Variants in NR3C2 observed in about 807,000 individuals in gnomAD.
The protein encoded by NR3C2 is mineralocorticoid receptor.
Under a neutral mutation model 86.4 loss-of-function variants are expected in NR3C2, and 15 were observed. The ratio of observed to expected loss-of-function variants is 0.17; its 90% CI spans 0.12 to 0.27. NR3C2 has a LOEUF of 0.27. Among genes scored for constraint, NR3C2 ranks in the 10% least tolerant of loss-of-function variants. NR3C2 has a pLI of 1.00. For synonymous variants in NR3C2, 458 were observed against 450.5 expected (o/e 1.02, Z -0.21); for missense variants, 960 against 1,195.6 (o/e 0.80, Z 2.91).
At chr4:148,299,426 T>C (rs1289445046) in intron 2 of NR3C2, among the ~76,000 whole-genome samples, 2 of 152,302 alleles carry the variant, frequency 1.3e-5, no homozygotes, top group Admixed American at 6.5e-5. Flanking sequence ...TTCTATGGCA[T>C]TGTCCTTCTC....
At chr4:148,247,701 G>A (rs1341599092) in intron 3 of NR3C2, among the ~76,000 whole-genome samples, 2 of 151,758 alleles carry the variant, frequency 1.3e-5, no homozygotes, top group Non-Finnish European at 2.9e-5. Context: ...CTCCACAGCT[G>A]TTGCTGAATT....
intron 3 of NR3C2, among the ~76,000 whole-genome samples, chr4:148,236,459 T>A (rs1443376189): frequency 6.6e-6 from 1 of 151,988 alleles, no homozygotes; most frequent in Non-Finnish European, 1.5e-5. Context: ...TCACTTTGGA[T>A]GCATAACACT....
chr4:148,082,798 C>G (rs1308048564), intron 8 of NR3C2, among the ~76,000 whole-genome samples: 1 of 152,024 alleles, frequency 6.6e-6, no homozygotes, highest in South Asian at 2.1e-4. Context: ...ACCACGGAGC[C>G]TAGCAAGCTA....
chr4:148,173,531 G>C (rs907699733), intron 4 of NR3C2, among the ~76,000 whole-genome samples: 2 of 152,184 alleles, frequency 1.3e-5, no homozygotes, highest in Admixed American at 1.3e-4. Context: ...GTAAGCAAGT[G>C]AATTCTCTCA....
upstream of NR3C2, chr4:148,444,491 C>T (rs980516737): frequency 5.1e-6 from 5 of 985,712 alleles, no homozygotes; most frequent in East Asian, 2.3e-4. Flanking sequence ...CCCCTCTCGC[C>T]GCTGTCAGCG....
intron 2 of NR3C2, among the ~76,000 whole-genome samples, chr4:148,294,015 T>C (rs1284287608): frequency 6.6e-6 from 1 of 152,206 alleles, no homozygotes; most frequent in Non-Finnish European, 1.5e-5. Flanking sequence ...CAACATATCC[T>C]TCCCAAGGGA....
At chr4:148,175,063 A>C (rs1012269284) in intron 4 of NR3C2, among the ~76,000 whole-genome samples, 4 of 152,234 alleles carry the variant, frequency 2.6e-5, no homozygotes, top group African/African-American at 9.6e-5. Flanking sequence ...CAAATACATT[A>C]ACTTGAAACA....
At chr4:148,157,464 G>C (rs1012947886) in intron 4 of NR3C2, among the ~76,000 whole-genome samples, 9 of 152,058 alleles carry the variant, frequency 5.9e-5, no homozygotes, top group African/African-American at 1.9e-4. Context: ...GAAAGTTTAA[G>C]AAATATAAGA....
At chr4:148,422,635 T>C (rs1256654474) in intron 2 of NR3C2, among the ~76,000 whole-genome samples, 6 of 152,294 alleles carry the variant, frequency 3.9e-5, no homozygotes, top group Admixed American at 1.3e-4. Context: ...ACACAATTAA[T>C]AGACTTCCAA....
chr4:148,421,450 G>A (rs1035104026), intron 2 of NR3C2, among the ~76,000 whole-genome samples: 1 of 152,134 alleles, frequency 6.6e-6, no homozygotes, highest in African/African-American at 2.4e-5. Flanking sequence ...GCAAGGCCCA[G>A]GGAAGGGCAC....
intron 2 of NR3C2, among the ~76,000 whole-genome samples, chr4:148,308,199 G>C (rs1407338093): frequency 6.6e-6 from 1 of 152,102 alleles, no homozygotes; most frequent in Non-Finnish European, 1.5e-5. Flanking sequence ...CTGTGGAGGT[G>C]AGCAGCCAGT....
chr4:148,310,424 T>C (rs1742849087), intron 2 of NR3C2, among the ~76,000 whole-genome samples: 1 of 152,238 alleles, frequency 6.6e-6, no homozygotes, highest in Non-Finnish European at 1.5e-5. Context: ...CTCCCAGGCA[T>C]CACAGTACAT....
At chr4:148,213,096 A>C (rs889975070) in intron 3 of NR3C2, among the ~76,000 whole-genome samples, 2 of 151,588 alleles carry the variant, frequency 1.3e-5, no homozygotes, top group Non-Finnish European at 2.9e-5. Context: ...GGAGAAATGC[A>C]ATTTCTCCAA....
chr4:148,219,801 C>T (rs188712704), intron 3 of NR3C2, among the ~76,000 whole-genome samples: 283 of 152,190 alleles, frequency 1.9e-3, no homozygotes, highest in African/African-American at 6.1e-3. Flanking sequence ...CGTTAATATG[C>T]GATGAGTTTT....
chr4:148,218,924 G>T (rs1296722577), intron 3 of NR3C2, among the ~76,000 whole-genome samples: 1 of 152,106 alleles, frequency 6.6e-6, no homozygotes, highest in Non-Finnish European at 1.5e-5. Context: ...TTCTTGTATT[G>T]AATATAAATC....
At chr4:148,149,961 T>C (rs1173809738) in intron 6 of NR3C2, among the ~76,000 whole-genome samples, 9 of 152,162 alleles carry the variant, frequency 5.9e-5, no homozygotes, top group Admixed American at 5.9e-4. Context: ...GAATGTAAAA[T>C]GGTGCAACTG....
chr4:148,080,405 A>G lies in NR3C2; in HGVS notation c.*939T>C, dbSNP rs1230782352. Reference sequence around the variant, plus strand: ...AAAAAGGCACAGCTTTCCCTTTCTTAAATACACTGTAAACGGTTCATTATG... The same window carrying G: ...AAAAAGGCACAGCTTTCCCTTTCTTGAATACACTGTAAACGGTTCATTATG... On this transcript the variant is annotated 3_prime_UTR_variant, in exon 9 of 9. Coordinates refer to ENST00000358102, the MANE Select transcript of NR3C2 (RefSeq NM_000901.5). 1 of 152,718 alleles carries G rather than the reference A, an allele frequency of 6.5e-6. No homozygotes were observed. Among genetic ancestry groups the G allele is most frequent in the Non-Finnish European group, 1.5e-5 (1 of 68,074 alleles). The allele number at this position is 152,718 out of a possible 1,614,324, so 9.5% of individuals were successfully genotyped here.
intron 8 of NR3C2, among the ~76,000 whole-genome samples, chr4:148,089,587 G>A (rs1730971537): frequency 6.6e-6 from 1 of 152,194 alleles, no homozygotes; most frequent in Admixed American, 6.5e-5. Flanking sequence ...TGTGAAACCT[G>A]CTCTGTGCCA....
chr4:148,384,471 ATT>A lies in NR3C2; in HGVS notation c.1757+50631_1757+50632del, dbSNP rs539812019. 1.2e-4 allele frequency among the ~76,000 whole-genome samples: 17 copies of A among 143,066 alleles called. No individual in the cohort carries two copies. In the South Asian group the frequency reaches 1.5e-3, roughly 13 times the overall value. 93.9% of individuals were successfully genotyped at this position (143,066 alleles called of 152,430 possible). A position where few individuals can be genotyped will look rare whatever the true frequency, so the allele number is the denominator to read the frequency against. ...TATATATTACAATCCACAAATAAGAATTTGTTTTTTTTCAAATTGTACACATA... is the reference window on the plus strand; with the variant it reads ...TATATATTACAATCCACAAATAAGAATGTTTTTTTTCAAATTGTACACATA... On this transcript the variant is annotated intron_variant, in intron 2 of 8. Coordinates refer to ENST00000358102, the MANE Select transcript of NR3C2 (RefSeq NM_000901.5).
Sources: allele counts gnomAD v4.1 joint callset (sites outside exome capture counted in the v4.1 genomes callset), GRCh38; gene constraint gnomAD v4.1.1; transcripts MANE v1.5; gene names NCBI Gene and HGNC (gene_info 2026-07-23, HGNC 2026-07-21).